The following NTF3 variants were observed in gnomAD, a reference collection of about 807,000 sequenced individuals.
NTF3 encodes neurotrophin 3.
A neutral mutation model predicts 26.3 loss-of-function variants in NTF3; 8 were observed. The ratio of observed to expected loss-of-function variants is 0.30; its 90% CI spans 0.18 to 0.55. The LOEUF is 0.55. NTF3 is among the 20% of genes least tolerant of loss of function. NTF3 has a pLI of 0.93. For missense variants in NTF3, 276 were observed against 352.9 expected, an observed-to-expected ratio of 0.78 and a Z score of 1.75; for synonymous variants, 154 against 145.5, an observed-to-expected ratio of 1.06 and a Z score of -0.42.
In NTF3 at chr12:5,456,941, G is replaced by A. The variant is rs569742265; in HGVS notation, c.18+24599G>A. Among the ~76,000 whole-genome samples the A allele has an allele frequency of 4.3e-3, 656 of 152,248 alleles. 3 individuals carry two copies. The highest frequency in any genetic ancestry group is 7.0e-3 in the Non-Finnish European group (473 of 68,018). On this transcript the variant is annotated intron_variant, in intron 1 of 1. Coordinates refer to ENST00000423158, the MANE Select transcript of NTF3 (RefSeq NM_001102654.2). The surrounding 1 kb of genome is among the most constrained non-coding windows in gnomAD (Gnocchi z 4.4). ...GAGAGAGGTGCTGAGGGAGGCAGGG[G>A]GCCCGCAGAACGGCCTCCCATCTCC...
chr12:5,441,058 T>C (rs1037643681), intron 1 of NTF3, among the ~76,000 whole-genome samples: 1 of 152,206 alleles, frequency 6.6e-6, no homozygotes, highest in Non-Finnish European at 1.5e-5. Context: ...GGGATTAAAG[T>C]TGTCTGTGGG....
chr12:5,488,506 A>C (rs946798972), intron 1 of NTF3, among the ~76,000 whole-genome samples: 1 of 152,238 alleles, frequency 6.6e-6, no homozygotes, highest in East Asian at 1.9e-4. Context: ...GAACATCATC[A>C]TGTGGCCCCA....
chr12:5,460,650 C>T (rs538693299), intron 1 of NTF3, among the ~76,000 whole-genome samples: 9 of 152,206 alleles, frequency 5.9e-5, no homozygotes, highest in Non-Finnish European at 1.3e-4. Flanking sequence ...CCTTTCACCA[C>T]CTGGGACACC....
intron 1 of NTF3, among the ~76,000 whole-genome samples, chr12:5,434,665 G>C (rs1940145117): frequency 6.6e-6 from 1 of 152,118 alleles, no homozygotes; most frequent in South Asian, 2.1e-4. Flanking sequence ...GCCTATGAAG[G>C]GTGTCAGAGC....
At chr12:5,482,694 G>C (rs1243522967) in intron 1 of NTF3, among the ~76,000 whole-genome samples, 1 of 151,236 alleles carries the variant, frequency 6.6e-6, no homozygotes, top group Non-Finnish European at 1.5e-5. Context: ...CCTTTCCACT[G>C]TGTCTCTCTC....
At chr12:5,469,155 C>T (rs1418335565) in intron 1 of NTF3, among the ~76,000 whole-genome samples, 1 of 151,954 alleles carries the variant, frequency 6.6e-6, no homozygotes, top group Admixed American at 6.6e-5. Flanking sequence ...CTGAATCCGT[C>T]TTATAAATCT....
At chr12:5,485,726 G>A (rs913347009) in intron 1 of NTF3, among the ~76,000 whole-genome samples, 6 of 152,210 alleles carry the variant, frequency 3.9e-5, no homozygotes, top group African/African-American at 1.4e-4. Flanking sequence ...GCTGCCCAGA[G>A]TCACTAGAGT....
intron 1 of NTF3, among the ~76,000 whole-genome samples, chr12:5,445,067 G>T (rs1032563237): frequency 6.6e-6 from 1 of 152,140 alleles, no homozygotes; most frequent in Non-Finnish European, 1.5e-5. Context: ...ATCCTAATTT[G>T]ATTTCATTCA....
intron 1 of NTF3, among the ~76,000 whole-genome samples, chr12:5,484,813 C>T (rs1940848615): frequency 6.6e-6 from 1 of 152,182 alleles, no homozygotes; most frequent in Admixed American, 6.5e-5. Context: ...AGTAGCACCC[C>T]TCTGGAGAAA....
At chr12:5,489,306 A>C (rs1478946128) in intron 1 of NTF3, among the ~76,000 whole-genome samples, 1 of 152,254 alleles carries the variant, frequency 6.6e-6, no homozygotes, top group East Asian at 1.9e-4. Context: ...GCCTGCTGAC[A>C]GCAGCCGTCC....
intron 1 of NTF3, among the ~76,000 whole-genome samples, chr12:5,438,477 A>G (rs1333876007): frequency 6.6e-6 from 1 of 152,154 alleles, no homozygotes; most frequent in Non-Finnish European, 1.5e-5. Context: ...AACAGAACAG[A>G]TTTTGACGTG....
At chr12:5,490,098 A>C (rs1044222322) in intron 1 of NTF3, among the ~76,000 whole-genome samples, 16 of 152,144 alleles carry the variant, frequency 1.1e-4, no homozygotes, top group African/African-American at 3.9e-4. Context: ...AAGGTCTTTA[A>C]CAGGTCTTTT....
chr12:5,481,511 C>CACACATGCACATACACACACCACAT (rs1940796548), intron 1 of NTF3, among the ~76,000 whole-genome samples: 1 of 148,600 alleles, frequency 6.7e-6, no homozygotes, highest in Non-Finnish European at 1.5e-5. Flanking sequence ...GAATACCACA[C>CACACATGCACATACACACACCACAT]ACACATGCAC....
intron 1 of NTF3, among the ~76,000 whole-genome samples, chr12:5,479,066 T>G (rs1940757208): frequency 6.6e-6 from 1 of 152,250 alleles, no homozygotes; most frequent in African/African-American, 2.4e-5. Context: ...AAACGTGTTT[T>G]CCTTCATTAT....
chr12:5,430,723 C>T (rs752810261), upstream of NTF3, among the ~76,000 whole-genome samples: 5 of 151,734 alleles, frequency 3.3e-5, no homozygotes, highest in African/African-American at 7.3e-5. Flanking sequence ...TGAACCTGGG[C>T]CCTAACCGAA....
intron 1 of NTF3, among the ~76,000 whole-genome samples, chr12:5,457,060 C>A (rs953310391): frequency 6.6e-6 from 1 of 152,202 alleles, no homozygotes; most frequent in Admixed American, 6.5e-5. Context: ...CATCTCGCTC[C>A]TTTTGCTGCA....
rs115636023 is a variant in NTF3 at position 5,487,773 on chromosome 12, C to T, written c.19-6421C>T. 3.8e-3 allele frequency among the ~76,000 whole-genome samples: 583 copies of T among 152,314 alleles called. 1 individual carries two copies. The highest frequency in any genetic ancestry group is 0.013 in the African/African-American group (554 of 41,556). On this transcript the variant is annotated intron_variant, in intron 1 of 1. Transcript: ENST00000423158. ...ATCCACTTCCCTGCCCCTTCTCTCA[C>T]CTGGTTTGACACTACATAGATACAG...
intron 1 of NTF3, among the ~76,000 whole-genome samples, chr12:5,461,212 T>C (rs1331000143): frequency 6.6e-6 from 1 of 152,206 alleles, no homozygotes; most frequent in Admixed American, 6.5e-5. Context: ...CCAGGGTTGC[T>C]GCTCCAAGCA....
intron 1 of NTF3, among the ~76,000 whole-genome samples, chr12:5,448,590 G>A (rs1483957349): frequency 6.6e-6 from 1 of 152,096 alleles, no homozygotes. Flanking sequence ...TATTTTAAAT[G>A]TACTTTTTGT....
Sources: allele counts gnomAD v4.1 joint callset (sites outside exome capture counted in the v4.1 genomes callset), GRCh38; gene constraint gnomAD v4.1.1; non-coding constraint Gnocchi (gnomAD v3.1); transcripts MANE v1.5; gene names NCBI Gene and HGNC (gene_info 2026-07-23, HGNC 2026-07-21).